COL22A1: variants seen among roughly 807,000 people sequenced by gnomAD.
The protein encoded by COL22A1 is collagen alpha-1(XXII) chain.
Under a neutral mutation model 248.9 loss-of-function variants are expected in COL22A1, and 221 were observed. The observed-to-expected ratio is 0.89, with a 90% CI of 0.80 to 0.99. COL22A1 has a LOEUF of 0.99. COL22A1 is among the 50% of genes least tolerant of loss of function. The pLI is 0.00. For synonymous variants in COL22A1, 891 were observed against 793.4 expected (o/e 1.12, Z -2.07); for missense variants, 2,240 against 2,179.0 (o/e 1.03, Z -0.56).
intron 16 of COL22A1, among the ~76,000 whole-genome samples, chr8:138,768,275 C>T (rs967843315): frequency 6.6e-6 from 1 of 152,236 alleles, no homozygotes; most frequent in African/African-American, 2.4e-5. Context: ...ATCTGTCTTG[C>T]TCACTCTCGG....
intron 45 of COL22A1, among the ~76,000 whole-genome samples, chr8:138,652,734 G>GTTTTTTTT (rs1564146836): frequency 6.5e-5 from 3 of 45,910 alleles, no homozygotes; most frequent in Admixed American, 2.6e-4. Context: ...TTCCTTTTCT[G>GTTTTTTTT]GTTTTTTTTT....
intron 53 of COL22A1, among the ~76,000 whole-genome samples, chr8:138,617,674 A>C (rs967722467): frequency 2.0e-5 from 3 of 152,194 alleles, no homozygotes; most frequent in African/African-American, 4.8e-5. Context: ...ATAGCTTTGC[A>C]GTATTAATCT....
intron 16 of COL22A1, among the ~76,000 whole-genome samples, chr8:138,763,650 C>T (rs1833691593): frequency 6.6e-6 from 1 of 152,076 alleles, no homozygotes; most frequent in Admixed American, 6.5e-5. Flanking sequence ...GAACAGTCTC[C>T]CACCTGCACC....
At position 138,663,683 on chromosome 8, in the gene COL22A1, CTTTA is replaced by C. The variant is rs761529912; in HGVS notation, c.3186+18_3186+21del. On this transcript the variant is annotated intron_variant, in intron 42 of 64. Transcript: ENST00000303045. ...GGATTCCTCCCATAGAAACTCATCCCTTTATTTAAAGCATACTGTACCGGGGATC... is the reference window on the plus strand; with the variant it reads ...GGATTCCTCCCATAGAAACTCATCCCTTTAAAGCATACTGTACCGGGGATC... 1 of 1,584,086 alleles carries C rather than the reference CTTTA, an allele frequency of 6.3e-7. No individual in the cohort carries two copies. The highest frequency in any genetic ancestry group is 8.7e-7 in the Non-Finnish European group (1 of 1,152,718).
chr8:138,901,358 G>GTTTT lies in COL22A1; in HGVS notation c.-73+12257_-73+12260dup, dbSNP rs146670099. On this transcript the variant is annotated intron_variant, in intron 1 of 64. Transcript: ENST00000303045. Reference sequence around the variant, plus strand: ...CCTCAGATCCACTCATTACTGGCAGGTTTTTTTTTTGTTTTTTTTTTTTTT... The same window carrying GTTTT: ...CCTCAGATCCACTCATTACTGGCAGGTTTTTTTTTTTTTTGTTTTTTTTTTTTTT... Among the ~76,000 whole-genome samples the GTTTT allele has an allele frequency of 9.1e-4, 120 of 131,488 alleles. 1 individual carries two copies. The highest frequency in any genetic ancestry group is 2.3e-3 in the African/African-American group (81 of 35,598). The allele number at this position is 131,488 out of a possible 152,430, so 86.3% of individuals were successfully genotyped here.
At chr8:138,847,426 T>C (rs1377165037) in intron 3 of COL22A1, among the ~76,000 whole-genome samples, 1 of 152,204 alleles carries the variant, frequency 6.6e-6, no homozygotes, top group Non-Finnish European at 1.5e-5. Flanking sequence ...CACTTCTTTG[T>C]TGCTAAATAA....
At chr8:138,901,795 T>G (rs1814592785) in intron 1 of COL22A1, among the ~76,000 whole-genome samples, 1 of 152,058 alleles carries the variant, frequency 6.6e-6, no homozygotes, top group Non-Finnish European at 1.5e-5. Flanking sequence ...ATTGCAGACC[T>G]TCATGGGCTG....
chr8:138,648,677 C>G (rs1308364273), intron 46 of COL22A1, among the ~76,000 whole-genome samples: 1 of 152,072 alleles, frequency 6.6e-6, no homozygotes, highest in African/African-American at 2.4e-5. Flanking sequence ...AGATCCACCA[C>G]TATCTCCCAA....
chr8:138,622,805 G>A (rs1314078146), intron 52 of COL22A1, among the ~76,000 whole-genome samples: 2 of 152,068 alleles, frequency 1.3e-5, no homozygotes, highest in East Asian at 3.9e-4. Context: ...ATCCTCATTC[G>A]TTCTGACAGC....
At chr8:138,851,004 G>A (rs1377653217) in intron 3 of COL22A1, among the ~76,000 whole-genome samples, 1 of 152,248 alleles carries the variant, frequency 6.6e-6, no homozygotes, top group East Asian at 1.9e-4. Flanking sequence ...ACACACAGGT[G>A]AGTGGCTCCT....
intron 41 of COL22A1, among the ~76,000 whole-genome samples, chr8:138,676,010 T>A (rs956655733): frequency 6.6e-6 from 1 of 152,234 alleles, no homozygotes; most frequent in African/African-American, 2.4e-5. Context: ...ACACACTTCA[T>A]TGATTCTTAA....
Position 138,874,302 on chromosome 8 carries a change from C to T in COL22A1, c.658+3448G>A, listed in dbSNP as rs184697741. Among the ~76,000 whole-genome samples, 211 of 152,292 alleles carry T rather than the reference C, an allele frequency of 1.4e-3. 1 individual carries two copies. Among genetic ancestry groups the T allele is most frequent in the African/African-American group, 4.6e-3 (190 of 41,560 alleles). On this transcript the variant is annotated intron_variant, in intron 3 of 64. Coordinates refer to ENST00000303045, the MANE Select transcript of COL22A1 (RefSeq NM_152888.3). ...GTCTTCACAGAATCCATGAGCTTTT[C>T]TTGACGTGATCAGGGCGGACGTGTG...
At chr8:138,671,047 G>A (rs981763325) in intron 41 of COL22A1, among the ~76,000 whole-genome samples, 3 of 146,128 alleles carry the variant, frequency 2.1e-5, no homozygotes, top group Non-Finnish European at 4.5e-5. Context: ...GTTGACCCCT[G>A]AGCAACATGG....
chr8:138,661,505 G>A (rs1564159977), intron 43 of COL22A1, among the ~76,000 whole-genome samples: 1 of 152,202 alleles, frequency 6.6e-6, no homozygotes, highest in Admixed American at 6.5e-5. Context: ...GGACCATGAG[G>A]ATGCATAAGA....
chr8:138,689,306 T>C lies in COL22A1; in HGVS notation c.2809-336A>G, dbSNP rs1055273766. Among the ~76,000 whole-genome samples the C allele has an allele frequency of 3.9e-5, 6 of 152,144 alleles. No homozygotes were observed. In the South Asian group the frequency reaches 6.2e-4, roughly 16 times the overall value. On this transcript the variant is annotated intron_variant, in intron 36 of 64. Coordinates refer to ENST00000303045, the MANE Select transcript of COL22A1 (RefSeq NM_152888.3). ...ACACTCTGGGAAGATGAGGATGGCCTTAAGAACCCAGCCTTAGCATTGGGG... is the reference window on the plus strand; with the variant it reads ...ACACTCTGGGAAGATGAGGATGGCCCTAAGAACCCAGCCTTAGCATTGGGG...
At chr8:138,874,587 C>A (rs374984076) in intron 3 of COL22A1, among the ~76,000 whole-genome samples, 2 of 152,302 alleles carry the variant, frequency 1.3e-5, no homozygotes, top group South Asian at 4.1e-4. Flanking sequence ...AATCTCTTCT[C>A]CTCCCCGGTT....
At chr8:138,648,511 G>GA (rs1365152669) in intron 46 of COL22A1, among the ~76,000 whole-genome samples, 2 of 152,236 alleles carry the variant, frequency 1.3e-5, no homozygotes, top group East Asian at 3.9e-4. Flanking sequence ...ATTTACTTTA[G>GA]AAAACAGATC....
intron 11 of COL22A1, among the ~76,000 whole-genome samples, chr8:138,801,029 T>C (rs1378113178): frequency 6.6e-6 from 1 of 152,234 alleles, no homozygotes; most frequent in Admixed American, 6.5e-5. Context: ...GCCCCAAGTC[T>C]GTGAAGCATG....
At chr8:138,694,652 T>C in intron 33 of COL22A1, 91 bp from the exon 34 acceptor site, 1 of 1,445,030 alleles carries the variant, frequency 6.9e-7, no homozygotes, top group Non-Finnish European at 9.6e-7. Flanking sequence ...TGGGTATAAT[T>C]TGAGATCCAA....
Sources: allele counts gnomAD v4.1 joint callset (sites outside exome capture counted in the v4.1 genomes callset), GRCh38; gene constraint gnomAD v4.1.1; transcripts MANE v1.5; gene names NCBI Gene and HGNC (gene_info 2026-07-23, HGNC 2026-07-21).